Variants in ELMO1 observed in about 807,000 individuals in gnomAD.
ELMO1 encodes the protein engulfment and cell motility 1.
A neutral mutation model predicts 98.9 loss-of-function variants in ELMO1; 26 were observed. That is an observed-to-expected ratio of 0.26 (90% CI 0.19 to 0.36). The LOEUF (loss-of-function observed/expected upper bound fraction) is 0.36. ELMO1 is among the 10% of genes least tolerant of loss of function. ELMO1 has a pLI of 1.00. For synonymous variants in ELMO1, 346 were observed against 346.0 expected (o/e 1.00, Z 0.00); for missense variants, 627 against 935.2 (o/e 0.67, Z 4.30).
intron 16 of ELMO1, among the ~76,000 whole-genome samples, chr7:36,901,379 T>C (rs1253446902): frequency 6.6e-6 from 1 of 152,194 alleles, no homozygotes; most frequent in African/African-American, 2.4e-5. Context: ...CAAACTTCTG[T>C]TAAGGGCAGA....
chr7:37,440,947 GGCCAAGGGTAAA>G (rs1223646950), intron 1 of ELMO1, among the ~76,000 whole-genome samples: 4 of 151,854 alleles, frequency 2.6e-5, no homozygotes, highest in Non-Finnish European at 2.9e-5. Flanking sequence ...GCTTTCTGAG[GGCCAAGGGTAAA>G]GCCAGCTGTG....
chr7:37,010,227 ATTAAT>A lies in ELMO1; in HGVS notation c.1437+3067_1437+3071del, dbSNP rs1205599854. Reference sequence around the variant, plus strand: ...CAAAAGGCTCCTCTGTCCGTGTTTCATTAATTTAAACTGATCTACACATCTAAAAA... The same window carrying A: ...CAAAAGGCTCCTCTGTCCGTGTTTCATTAAACTGATCTACACATCTAAAAA... On this transcript the variant is annotated intron_variant, in intron 16 of 21. Coordinates refer to ENST00000310758, the MANE Select transcript of ELMO1 (RefSeq NM_014800.11). Among the ~76,000 whole-genome samples, 3 of 148,226 alleles carry A rather than the reference ATTAAT, an allele frequency of 2.0e-5. No individual in the cohort carries two copies. In the East Asian group the frequency reaches 6.1e-4, roughly 30 times the overall value.
intron 1 of ELMO1, among the ~76,000 whole-genome samples, chr7:37,343,657 T>C (rs1026440379): frequency 2.6e-5 from 4 of 152,158 alleles, no homozygotes; most frequent in Non-Finnish European, 5.9e-5. Flanking sequence ...AATTTTTATA[T>C]GTTTAGTAGA....
chr7:37,415,323 T>C (rs1804167422), intron 1 of ELMO1, among the ~76,000 whole-genome samples: 1 of 152,218 alleles, frequency 6.6e-6, no homozygotes, highest in Admixed American at 6.5e-5. Flanking sequence ...TTGGAATCAC[T>C]GAAAAGTTCT....
chr7:37,086,692 G>A (rs996861773), intron 15 of ELMO1, among the ~76,000 whole-genome samples: 10 of 136,376 alleles, frequency 7.3e-5, no homozygotes, highest in Admixed American at 2.4e-4. Flanking sequence ...GCAGTGAGCC[G>A]AGATCACACC....
intron 1 of ELMO1, among the ~76,000 whole-genome samples, chr7:37,414,352 A>AG (rs1279827261): frequency 6.6e-6 from 1 of 152,194 alleles, no homozygotes; most frequent in East Asian, 1.9e-4. Flanking sequence ...AAAATATCCG[A>AG]GGGGGAAAAC....
chr7:37,139,659 TCAATG>T (rs1787486693), intron 13 of ELMO1, among the ~76,000 whole-genome samples: 2 of 152,036 alleles, frequency 1.3e-5, no homozygotes, highest in South Asian at 4.1e-4. Context: ...GTTTACAAAT[TCAATG>T]CAATTCCTAT....
At chr7:37,384,625 C>T (rs900590229) in intron 1 of ELMO1, among the ~76,000 whole-genome samples, 5 of 151,530 alleles carry the variant, frequency 3.3e-5, no homozygotes, top group African/African-American at 1.2e-4. Context: ...GAGACTGAGG[C>T]AGGAGAGTGG....
At chr7:37,089,482 C>T in intron 15 of ELMO1, among the ~76,000 whole-genome samples, 1 of 152,152 alleles carries the variant, frequency 6.6e-6, no homozygotes, top group East Asian at 1.9e-4. Flanking sequence ...CTTCAAAATA[C>T]ACCTGAGAAT....
chr7:36,993,478 A>G (rs1792000007), intron 16 of ELMO1, among the ~76,000 whole-genome samples: 1 of 152,202 alleles, frequency 6.6e-6, no homozygotes, highest in East Asian at 1.9e-4. Flanking sequence ...ACAGCATGTA[A>G]GAGCCAGATC....
intron 15 of ELMO1, among the ~76,000 whole-genome samples, chr7:37,050,105 G>A (rs965606434): frequency 2.6e-5 from 4 of 151,898 alleles, no homozygotes; most frequent in African/African-American, 9.7e-5. Flanking sequence ...CTGAGACAGA[G>A]TCTTGCCCTG....
chr7:37,202,646 T>A (rs1175014314), intron 13 of ELMO1, among the ~76,000 whole-genome samples: 1 of 152,222 alleles, frequency 6.6e-6, no homozygotes, highest in African/African-American at 2.4e-5. Context: ...ATACTTCCCC[T>A]GTGAATTCCA....
chr7:37,269,158 C>A (rs1215904814), intron 5 of ELMO1, among the ~76,000 whole-genome samples: 1 of 152,180 alleles, frequency 6.6e-6, no homozygotes, highest in Non-Finnish European at 1.5e-5. Context: ...CAGCTACATG[C>A]AAAACTATAA....
rs529776093 is a variant in ELMO1 at position 37,347,439 on chromosome 7, G to A, written c.-73-4676C>T. 4.6e-5 allele frequency among the ~76,000 whole-genome samples: 7 copies of A among 152,308 alleles called. No individual in the cohort carries two copies. In the East Asian group the frequency reaches 7.7e-4, roughly 17 times the overall value. The stretch of plus-strand genomic sequence containing the variant: ...TCTCGACAAATTTTCACATGTTGTA[G>A]AAGGGACCCGGTGGGAGATAACTGA... On this transcript the variant is annotated intron_variant, in intron 1 of 21. Coordinates refer to ENST00000310758, the MANE Select transcript of ELMO1 (RefSeq NM_014800.11).
chr7:37,008,740 G>A (rs1022374260), intron 16 of ELMO1, among the ~76,000 whole-genome samples: 1 of 152,080 alleles, frequency 6.6e-6, no homozygotes, highest in South Asian at 2.1e-4. Flanking sequence ...GCAGATCCAG[G>A]ATGAAAACCT....
intron 15 of ELMO1, among the ~76,000 whole-genome samples, chr7:37,027,245 C>G (rs1794634199): frequency 6.6e-6 from 1 of 152,156 alleles, no homozygotes; most frequent in Admixed American, 6.5e-5. Flanking sequence ...TGCACAAATT[C>G]AACAGAAAAC....
chr7:36,979,853 GTGAAGGCC>G (rs1336450147), intron 16 of ELMO1, among the ~76,000 whole-genome samples: 6 of 152,244 alleles, frequency 3.9e-5, no homozygotes, highest in Non-Finnish European at 8.8e-5. Context: ...GGCTACCAGT[GTGAAGGCC>G]TGAGTTCCAT....
At position 36,853,297 on chromosome 7, in the gene ELMO1, GAAGA is replaced by G. The variant is rs1265906017; in HGVS notation, c.*2250_*2253del. Among the ~76,000 whole-genome samples, 1 of 152,190 alleles carries G rather than the reference GAAGA, an allele frequency of 6.6e-6. No individual in the cohort carries two copies. Among genetic ancestry groups the G allele is most frequent in the Non-Finnish European group, 1.5e-5 (1 of 68,040 alleles). On this transcript the variant is annotated 3_prime_UTR_variant, in exon 22 of 22. Transcript: ENST00000310758. ...TAAATGCACCAAAGCTGGAGTGCCA[GAAGA>G]GAGAGGGGCTGGATCTCCCCAACCA...
intron 16 of ELMO1, among the ~76,000 whole-genome samples, chr7:36,972,772 ATATC>A (rs1391546054): frequency 6.6e-6 from 1 of 152,126 alleles, no homozygotes; most frequent in Non-Finnish European, 1.5e-5. Context: ...CTATATAACT[ATATC>A]TATATCTATA....
Sources: allele counts gnomAD v4.1 joint callset (sites outside exome capture counted in the v4.1 genomes callset), GRCh38; gene constraint gnomAD v4.1.1; transcripts MANE v1.5; gene names NCBI Gene and HGNC (gene_info 2026-07-23, HGNC 2026-07-21).